CEP95: variants seen among roughly 807,000 people sequenced by gnomAD.
CEP95 encodes the protein centrosomal protein of 95 kDa.
Under a neutral mutation model 111.2 loss-of-function variants are expected in CEP95, and 98 were observed. That is an observed-to-expected ratio of 0.88 (90% CI 0.75 to 1.04). The LOEUF is 1.04. Ranked by LOEUF, CEP95 falls within the 50% of genes least tolerant of loss-of-function variation. CEP95 has a pLI of 0.00. For missense variants in CEP95, 1,027 were observed against 977.2 expected (o/e 1.05, Z -0.68); for synonymous variants, 323 against 327.1 (o/e 0.99, Z 0.14).
Position 64,529,359 on chromosome 17 carries a change from C to G in CEP95, c.1378C>G (p.Gln460Glu), listed in dbSNP as rs945402079. Residue 460 changes from glutamine to glutamate, a missense_variant, in exon 12 of 20, where the codon CAG becomes GAG. Physicochemically the swap from Gln to Glu is conservative, Grantham distance 29. Coordinates refer to ENST00000556440, the MANE Select transcript of CEP95 (RefSeq NM_138363.3). ...LSPSPVNKHK[Q>E]FHLERKRQRK... is the part of the protein sequence containing the mutation. ...TCCATCTCCAGTTAACAAACACAAA[C>G]AGTTCCACTTGGAGAGAAAAAGGCA... The G allele has an allele frequency of 6.2e-7, 1 of 1,613,830 alleles. No homozygotes were observed. The highest frequency in any genetic ancestry group is 1.1e-5 in the South Asian group (1 of 91,064).
chr17:64,507,593 A>G, intron 1 of CEP95: 2 of 1,012,038 alleles, frequency 2.0e-6, no homozygotes, highest in Non-Finnish European at 2.4e-6. Context: ...AGTGCCCTCT[A>G]GAGTCATGGG....
chr17:64,532,745 C>G, intron 14 of CEP95, 94 bp from the exon 15 acceptor site: 1 of 1,483,922 alleles, frequency 6.7e-7, no homozygotes, highest in East Asian at 2.4e-5. Flanking sequence ...AGGATCAAAA[C>G]CACATCACTT....
rs1367964405 is a variant in CEP95 at position 64,536,828 on chromosome 17, G to T, written c.2217+80G>T. 6 of 1,474,256 alleles carry T rather than the reference G, an allele frequency of 4.1e-6. No homozygotes were observed. The East Asian group carries it at 1.1e-4, about 28-fold the overall frequency. 91.3% of individuals were successfully genotyped at this position (1,474,256 alleles called of 1,614,324 possible). A position where few individuals can be genotyped will look rare whatever the true frequency, so the allele number is the denominator to read the frequency against. On this transcript the variant is annotated intron_variant, in intron 18 of 19. Transcript: ENST00000556440. ...TGTGGCAAAACTTGCTTAGTCTGTT[G>T]ACAATAAACCTTGTGTTAACTGAAG...
At chr17:64,514,408 C>T in intron 4 of CEP95, 50 bp downstream of exon 4, 3 of 785,184 alleles carry the variant, frequency 3.8e-6, no homozygotes, top group Non-Finnish European at 6.6e-6. Context: ...ATGATGTGTC[C>T]CTTTTGCCTT....
chr17:64,523,525 CCA>C (rs1555678470), intron 8 of CEP95, among the ~76,000 whole-genome samples: 1 of 151,958 alleles, frequency 6.6e-6, no homozygotes, highest in East Asian at 1.9e-4. Flanking sequence ...CAAGATCACG[CCA>C]CTGCGCTCCA....
At chr17:64,523,824 C>T (rs191967804) in intron 8 of CEP95, among the ~76,000 whole-genome samples, 19 of 152,062 alleles carry the variant, frequency 1.2e-4, no homozygotes, top group African/African-American at 4.6e-4. Context: ...CACTTGAGCC[C>T]AGGAGCTTCA....
At chr17:64,528,428 T>G (rs1555679598) in intron 11 of CEP95, among the ~76,000 whole-genome samples, 1 of 152,198 alleles carries the variant, frequency 6.6e-6, no homozygotes, top group East Asian at 1.9e-4. Context: ...CCTTTTTATG[T>G]ACATACACAT....
At chr17:64,528,264 A>G (rs954613652) in intron 11 of CEP95, among the ~76,000 whole-genome samples, 5 of 152,146 alleles carry the variant, frequency 3.3e-5, no homozygotes, top group African/African-American at 1.2e-4. Context: ...TTTCTTCAGA[A>G]ATAGTCTTTT....
upstream of CEP95, chr17:64,506,882 C>T: frequency 4.6e-6 from 3 of 646,596 alleles, no homozygotes; most frequent in South Asian, 3.5e-5. Flanking sequence ...ACTTCCCAAA[C>T]CGCCCCCGTT....
In CEP95 at chr17:64,514,297, A is replaced by C; in HGVS notation, c.306A>C (p.Glu102Asp). 1 of 1,512,376 alleles carries C rather than the reference A, an allele frequency of 6.6e-7. No individual in the cohort carries two copies. The highest frequency in any genetic ancestry group is 9.0e-7 in the Non-Finnish European group (1 of 1,111,924). The allele number at this position is 1,512,376 out of a possible 1,614,324, so 93.7% of individuals were successfully genotyped here. ...GDKESIKNLL[E>D]IFDGLLEYLT... is the part of the protein sequence containing the mutation. Reference sequence around the variant, plus strand: ...AAGAATCTATTAAGAATCTCCTGGAAATATTTGATGGTTTGTTGGAGTATC... The same window carrying C: ...AAGAATCTATTAAGAATCTCCTGGACATATTTGATGGTTTGTTGGAGTATC... The change falls in exon 4 of 20, where the codon GAA becomes GAC. Residue 102 changes from glutamate (E) to aspartate (D), a missense_variant. By Grantham distance (45) the Glu-to-Asp change is conservative (BLOSUM62 2). Transcript: ENST00000556440.
intron 7 of CEP95, 75 bp from the exon 8 acceptor site, chr17:64,522,627 G>A (rs1330191979): frequency 2.3e-6 from 2 of 863,546 alleles, no homozygotes; most frequent in South Asian, 1.7e-5. Flanking sequence ...GTTTATATAG[G>A]TATGTATGTA....
intron 6 of CEP95, among the ~76,000 whole-genome samples, 169 bp downstream of exon 6, chr17:64,519,605 C>T (rs541519549): frequency 2.0e-5 from 3 of 152,238 alleles, no homozygotes; most frequent in African/African-American, 4.8e-5. Context: ...TATCTGAAGT[C>T]GCAGGCATAT....
intron 8 of CEP95, 132 bp from the exon 9 acceptor site, chr17:64,525,638 C>G: frequency 3.4e-6 from 2 of 583,102 alleles, no homozygotes; most frequent in South Asian, 2.0e-5. Context: ...GGTCTTTTGA[C>G]AAATGCACTT....
In CEP95 at chr17:64,521,389, T is replaced by C; in HGVS notation, c.590-13T>C. On this transcript the variant is annotated splice_polypyrimidine_tract_variant and intron_variant, in intron 6 of 19. Coordinates refer to ENST00000556440, the MANE Select transcript of CEP95 (RefSeq NM_138363.3). ...ATAGTTAAAAATTTTACCTTTAATA[T>C]TTTCTTTCCTAGGTGCTCAATGTCC... 1 of 1,595,978 alleles carries C rather than the reference T, an allele frequency of 6.3e-7. No homozygotes were observed. Among genetic ancestry groups the C allele is most frequent in the South Asian group, 1.1e-5 (1 of 88,006 alleles).
At chr17:64,527,311 C>T (rs918616851) in intron 11 of CEP95, 47 bp downstream of exon 11, 23 of 1,443,684 alleles carry the variant, frequency 1.6e-5, no homozygotes, top group Admixed American at 2.3e-5. Flanking sequence ...ATGTGAACTA[C>T]TTAGGCAGTT....
In CEP95 at chr17:64,527,376, A is replaced by T. The variant is rs1598228248; in HGVS notation, c.1306+112A>T. The T allele has an allele frequency of 1.3e-5, 10 of 771,740 alleles. No individual in the cohort carries two copies. In the East Asian group the frequency reaches 3.2e-4, roughly 25 times the overall value. The allele number at this position is 771,740 out of a possible 1,614,324, so 47.8% of individuals were successfully genotyped here. A position where few individuals can be genotyped will look rare whatever the true frequency, so the allele number is the denominator to read the frequency against. The stretch of plus-strand genomic sequence containing the variant: ...TTTTAAATAGTTGAGAAATATATAA[A>T]AGGATCAAAAGTAATATCAAACACC... On this transcript the variant is annotated intron_variant, in intron 11 of 19. Coordinates refer to ENST00000556440, the MANE Select transcript of CEP95 (RefSeq NM_138363.3).
intron 5 of CEP95, 120 bp from the exon 6 acceptor site, chr17:64,519,201 C>T: frequency 1.5e-6 from 1 of 652,426 alleles, no homozygotes; most frequent in Non-Finnish European, 2.8e-6. Flanking sequence ...AGCAGCAAGA[C>T]ATGCTAAGCA....
At chr17:64,521,927 G>C (rs1967371981) in intron 7 of CEP95, among the ~76,000 whole-genome samples, 1 of 152,060 alleles carries the variant, frequency 6.6e-6, no homozygotes, top group African/African-American at 2.4e-5. Flanking sequence ...CATGATCTCG[G>C]CTCACTGCAA....
intron 13 of CEP95, among the ~76,000 whole-genome samples, 200 bp from the exon 14 acceptor site, chr17:64,531,690 G>A (rs1229111852): frequency 1.3e-5 from 2 of 152,058 alleles, no homozygotes; most frequent in Non-Finnish European, 2.9e-5. Flanking sequence ...GGATGCCAGA[G>A]GCCAAAAGGT....
Sources: gnomAD v4.1 joint callset for allele counts (sites outside exome capture counted in the v4.1 genomes callset) on GRCh38, gnomAD v4.1.1 for gene constraint, MANE v1.5 for transcripts, NCBI Gene and HGNC (gene_info 2026-07-23, HGNC 2026-07-21) for gene names.